Variants in PEAK1 observed in about 807,000 individuals in gnomAD.
PEAK1 encodes the protein inactive tyrosine-protein kinase PEAK1.
Under a neutral mutation model 124.7 loss-of-function variants are expected in PEAK1, and 54 were observed. That is an observed-to-expected ratio of 0.43 (90% CI 0.35 to 0.54). The LOEUF (loss-of-function observed/expected upper bound fraction) is 0.54, where lower values mean the gene tolerates loss of function less well. Ranked by LOEUF, PEAK1 falls within the 20% of genes least tolerant of loss-of-function variation. The pLI, the probability that PEAK1 is intolerant of heterozygous loss-of-function variation, is 0.01. For missense variants in PEAK1, 2,046 were observed against 2,134.5 expected, an observed-to-expected ratio of 0.96 and a Z score of 0.82; for synonymous variants, 719 against 760.0, an observed-to-expected ratio of 0.95 and a Z score of 0.89.
intron 5 of PEAK1, among the ~76,000 whole-genome samples, chr15:77,270,791 T>C (rs2061987809): frequency 6.6e-6 from 1 of 152,194 alleles, no homozygotes; most frequent in Admixed American, 6.5e-5. Context: ...CAATATTGAT[T>C]CTTCCTATTC....
At chr15:77,202,657 C>T (rs1475055359) in intron 6 of PEAK1, among the ~76,000 whole-genome samples, 1 of 151,096 alleles carries the variant, frequency 6.6e-6, no homozygotes, top group East Asian at 1.9e-4. Context: ...GTAGTCCCAG[C>T]TACTCAGGAG....
At chr15:77,263,913 T>C (rs1347051433) in intron 5 of PEAK1, among the ~76,000 whole-genome samples, 1 of 152,160 alleles carries the variant, frequency 6.6e-6, no homozygotes, top group African/African-American at 2.4e-5. Flanking sequence ...TCTACCATGA[T>C]CAAGTGGGCT....
intron 6 of PEAK1, among the ~76,000 whole-genome samples, chr15:77,214,892 A>G (rs1221877313): frequency 6.6e-6 from 1 of 152,144 alleles, no homozygotes; most frequent in Non-Finnish European, 1.5e-5. Context: ...ATCACCTCCC[A>G]CCAGGCCTCT....
chr15:77,149,506 T>G (rs1034728389), intron 8 of PEAK1, among the ~76,000 whole-genome samples: 1 of 152,058 alleles, frequency 6.6e-6, no homozygotes, highest in African/African-American at 2.4e-5. Flanking sequence ...CTGAAAGGAG[T>G]AGTTTAAAAC....
At chr15:77,364,210 T>G (rs575040029) in intron 2 of PEAK1, among the ~76,000 whole-genome samples, 1 of 152,006 alleles carries the variant, frequency 6.6e-6, no homozygotes, top group South Asian at 2.1e-4. Context: ...AAAAAATGAG[T>G]GATGAAAATA....
chr15:77,160,657 A>G (rs2055556383), intron 7 of PEAK1, among the ~76,000 whole-genome samples: 1 of 152,124 alleles, frequency 6.6e-6, no homozygotes, highest in Non-Finnish European at 1.5e-5. Flanking sequence ...GCCTAGCAAC[A>G]GAGTGAGACT....
At chr15:77,132,709 A>G (rs2052979642) in intron 9 of PEAK1, among the ~76,000 whole-genome samples, 1 of 151,856 alleles carries the variant, frequency 6.6e-6, no homozygotes, top group African/African-American at 2.4e-5. Flanking sequence ...AAAAAAAAAA[A>G]AAAAGACTTC....
chr15:77,418,010 A>G, intron 1 of PEAK1: 1 of 974,076 alleles, frequency 1.0e-6, no homozygotes, highest in Non-Finnish European at 1.2e-6. Flanking sequence ...TTCCAGGAAC[A>G]TATTTTTTAA....
At chr15:77,342,840 TTTTG>T (rs796446475) in intron 2 of PEAK1, among the ~76,000 whole-genome samples, 38 of 152,342 alleles carry the variant, frequency 2.5e-4, no homozygotes, top group African/African-American at 8.7e-4. Flanking sequence ...ATATACCTCA[TTTTG>T]TTTATCCATT....
intron 1 of PEAK1, among the ~76,000 whole-genome samples, chr15:77,408,184 CA>C (rs1488475985): frequency 1.7e-4 from 26 of 151,584 alleles, no homozygotes; most frequent in Non-Finnish European, 3.1e-4. Context: ...CACACACACA[CA>C]CACCCTGGAA....
In PEAK1 at chr15:77,251,740, ATGCCATGTGAATGTACTGT is replaced by A. The variant is rs556457833; in HGVS notation, c.-115+608_-115+626del. On this transcript the variant is annotated intron_variant, in intron 6 of 9. Coordinates refer to ENST00000682557, the MANE Select transcript of PEAK1 (RefSeq NM_001385026.1). The stretch of plus-strand genomic sequence containing the variant: ...TCAGGGGGGACAGCAGCCTTCAATC[ATGCCATGTGAATGTACTGT>A]TGCCATGGCAACACCCAGAAGTTAC... Among the ~76,000 whole-genome samples the A allele has an allele frequency of 4.7e-3, 716 of 152,324 alleles. 4 individuals are homozygous for A. Among genetic ancestry groups the A allele is most frequent in the African/African-American group, 0.016 (672 of 41,560 alleles).
intron 1 of PEAK1, among the ~76,000 whole-genome samples, chr15:77,376,196 T>TA (rs2069015404): frequency 2.0e-5 from 3 of 151,728 alleles, no homozygotes; most frequent in South Asian, 2.1e-4. Flanking sequence ...TGAGCATGAA[T>TA]AAAAAAAATT....
chr15:77,163,545 C>T (rs912838357), intron 7 of PEAK1, among the ~76,000 whole-genome samples: 14 of 152,136 alleles, frequency 9.2e-5, no homozygotes, highest in African/African-American at 3.4e-4. Context: ...CTGGGATATT[C>T]GTTCAAGACA....
rs942227563 is a variant in PEAK1, at chr15:77,300,370, A to G, written c.-602-13866T>C. On this transcript the variant is annotated intron_variant, in intron 2 of 9. Coordinates refer to ENST00000682557, the MANE Select transcript of PEAK1 (RefSeq NM_001385026.1). Reference sequence around the variant, plus strand: ...AGGCTTCCTCCAACAGATAATTGCCAAAGTAAGAAAACTCTTGCTTTTGAG... The same window carrying G: ...AGGCTTCCTCCAACAGATAATTGCCGAAGTAAGAAAACTCTTGCTTTTGAG... 3.9e-5 allele frequency among the ~76,000 whole-genome samples: 6 copies of G among 152,358 alleles called. No homozygotes were observed. In the South Asian group the frequency reaches 1.2e-3, roughly 32 times the overall value.
intron 2 of PEAK1, among the ~76,000 whole-genome samples, chr15:77,304,146 T>G (rs1233519975): frequency 6.6e-6 from 1 of 152,224 alleles, no homozygotes; most frequent in Non-Finnish European, 1.5e-5. Flanking sequence ...TTCTTCAGTA[T>G]TCCACTGACT....
chr15:77,223,952 T>C (rs2059513623), intron 6 of PEAK1, among the ~76,000 whole-genome samples: 1 of 149,482 alleles, frequency 6.7e-6, no homozygotes, highest in Non-Finnish European at 1.5e-5. Context: ...AAAACACTCA[T>C]ATGGAACAAC....
chr15:77,357,141 C>T (rs1485274005), intron 2 of PEAK1, among the ~76,000 whole-genome samples: 1 of 152,222 alleles, frequency 6.6e-6, no homozygotes, highest in Non-Finnish European at 1.5e-5. Flanking sequence ...CATGGTGGCA[C>T]ATGCCTGTAG....
intron 5 of PEAK1, among the ~76,000 whole-genome samples, chr15:77,262,826 A>T (rs1364169839): frequency 1.3e-5 from 2 of 152,134 alleles, no homozygotes; most frequent in Non-Finnish European, 1.5e-5. Flanking sequence ...CACCACACCT[A>T]TTCCAAAATT....
At chr15:77,370,455 A>C (rs890031994) in intron 1 of PEAK1, among the ~76,000 whole-genome samples, 7 of 152,228 alleles carry the variant, frequency 4.6e-5, no homozygotes, top group African/African-American at 1.7e-4. Flanking sequence ...AGATATGAGA[A>C]AGAGCAGAGA....
Sources: allele counts gnomAD v4.1 joint callset (sites outside exome capture counted in the v4.1 genomes callset), GRCh38; gene constraint gnomAD v4.1.1; transcripts MANE v1.5; gene names NCBI Gene and HGNC (gene_info 2026-07-23, HGNC 2026-07-21).